CCR3: variants seen among roughly 807,000 people sequenced by gnomAD.
CCR3 encodes the protein C-C motif chemokine receptor 3, also known as C-C chemokine receptor type 3.
For missense variants in CCR3, 419 were observed against 437.5 expected, an observed-to-expected ratio of 0.96 and a Z score of 0.38; for synonymous variants, 203 against 179.2, an observed-to-expected ratio of 1.13 and a Z score of -1.06.
chr3:46,250,175 C>T (rs1484012118), intron 1 of CCR3, among the ~76,000 whole-genome samples: 1 of 152,070 alleles, frequency 6.6e-6, no homozygotes, highest in Non-Finnish European at 1.5e-5. Context: ...ATGCCTTTGG[C>T]TCCAGGCACC....
Position 46,242,481 on chromosome 3 carries a change from A to G in CCR3, c.-69A>G, listed in dbSNP as rs201277940. 6.6e-6 allele frequency: 1 copy of G among 152,182 alleles called. No individual in the cohort carries two copies. Among genetic ancestry groups the G allele is most frequent in the South Asian group, 2.1e-4 (1 of 4,830 alleles). The allele number at this position is 152,182 out of a possible 1,614,324, so 9.4% of individuals were successfully genotyped here. ...AGGTACCACTGGTCTTCTTGTGCTTATCCGGGCAAGAACTTATCGAAATAC... is the reference window on the plus strand; with the variant it reads ...AGGTACCACTGGTCTTCTTGTGCTTGTCCGGGCAAGAACTTATCGAAATAC... On this transcript the variant is annotated 5_prime_UTR_variant, in exon 1 of 2. Transcript: ENST00000395940.
upstream of CCR3, among the ~76,000 whole-genome samples, chr3:46,241,560 C>T (rs774415918): frequency 6.6e-6 from 1 of 152,186 alleles, no homozygotes; most frequent in Non-Finnish European, 1.5e-5. Flanking sequence ...TCTGCAGAGA[C>T]TTTTCACATA....
chr3:46,252,477 C>T (rs1700335215), intron 1 of CCR3, among the ~76,000 whole-genome samples: 1 of 152,098 alleles, frequency 6.6e-6, no homozygotes, highest in Non-Finnish European at 1.5e-5. Context: ...CAGCACCCAG[C>T]CAAGTGTCTC....
chr3:46,265,369 A>C lies in CCR3; in HGVS notation c.211A>C (p.Ile71Leu). 6.2e-7 allele frequency: 1 copy of C among 1,614,092 alleles called. No individual in the cohort carries two copies. The highest frequency in any genetic ancestry group is 8.5e-7 in the Non-Finnish European group (1 of 1,180,006). ...KYRRLRIMTN[I>L]YLLNLAISDL... is the part of the protein sequence containing the mutation. ...CAGGAGGCTCCGAATTATGACCAAC[A>C]TCTACCTGCTCAACCTGGCCATTTC... Residue 71 changes from isoleucine to leucine, a missense_variant, in exon 2 of 2, where the codon ATC becomes CTC. Transcript: ENST00000395940.
chr3:46,262,553 C>A (rs1280856990), intron 1 of CCR3, among the ~76,000 whole-genome samples: 2 of 152,180 alleles, frequency 1.3e-5, no homozygotes, highest in Non-Finnish European at 2.9e-5. Flanking sequence ...AAGCCTAATT[C>A]AAACCTCTTC....
chr3:46,212,581 C>A (rs1699728393), intron 2 of CCR3, among the ~76,000 whole-genome samples: 1 of 151,948 alleles, frequency 6.6e-6, no homozygotes, highest in Non-Finnish European at 1.5e-5. Flanking sequence ...GGTCATTTTT[C>A]CTCCTGCATC....
intron 1 of CCR3, among the ~76,000 whole-genome samples, chr3:46,250,456 C>T (rs1188478270): frequency 1.3e-5 from 2 of 152,098 alleles, no homozygotes; most frequent in Non-Finnish European, 2.9e-5. Context: ...GGACAAGTTG[C>T]ACTGGGCACA....
At chr3:46,214,173 C>A (rs950245669) in intron 2 of CCR3, among the ~76,000 whole-genome samples, 1 of 152,198 alleles carries the variant, frequency 6.6e-6, no homozygotes, top group African/African-American at 2.4e-5. Context: ...CCTCCAACAC[C>A]ACCTGTTATC....
chr3:46,241,249 C>T (rs1700080665), upstream of CCR3, among the ~76,000 whole-genome samples: 1 of 151,812 alleles, frequency 6.6e-6, no homozygotes, highest in Non-Finnish European at 1.5e-5. Context: ...ATGAAGCATA[C>T]AGCACAGTCC....
chr3:46,251,301 T>A (rs1311688864), intron 1 of CCR3, among the ~76,000 whole-genome samples: 1 of 151,746 alleles, frequency 6.6e-6, no homozygotes, highest in Non-Finnish European at 1.5e-5. Context: ...GAGTTTTGGG[T>A]CCATGGATAA....
At chr3:46,215,411 G>A (rs1011805656) in intron 2 of CCR3, among the ~76,000 whole-genome samples, 1 of 152,152 alleles carries the variant, frequency 6.6e-6, no homozygotes, top group Non-Finnish European at 1.5e-5. Flanking sequence ...CCAGGAATCT[G>A]TGTTTTAACA....
intron 1 of CCR3, among the ~76,000 whole-genome samples, chr3:46,250,017 C>T (rs1249344510): frequency 6.6e-6 from 1 of 151,890 alleles, no homozygotes; most frequent in Admixed American, 6.6e-5. Flanking sequence ...AATAAGATGG[C>T]CTTTTGACCT....
intron 1 of CCR3, among the ~76,000 whole-genome samples, chr3:46,248,928 T>C (rs1700252659): frequency 6.6e-6 from 1 of 152,212 alleles, no homozygotes; most frequent in Admixed American, 6.5e-5. Flanking sequence ...GTAAGGCTTG[T>C]CTGGTTTTAG....
chr3:46,218,598 A>G (rs925583123), intron 2 of CCR3, among the ~76,000 whole-genome samples: 6 of 152,220 alleles, frequency 3.9e-5, no homozygotes, highest in African/African-American at 1.2e-4. Flanking sequence ...TAGGTAACCG[A>G]ATTCAACAGG....
chr3:46,224,422 G>A (rs571016186), intron 2 of CCR3, among the ~76,000 whole-genome samples: 17 of 148,768 alleles, frequency 1.1e-4, no homozygotes, highest in Middle Eastern at 3.5e-3. Context: ...CACCAACATG[G>A]TGAAACCCCA....
At chr3:46,265,069 A>G (rs1203817602) in intron 1 of CCR3, 79 bp from the exon 2 acceptor site, 3 of 915,964 alleles carry the variant, frequency 3.3e-6, no homozygotes, top group East Asian at 2.5e-5. Context: ...TGTTGAGTAC[A>G]TGAATAAATC....
intron 1 of CCR3, chr3:46,264,374 A>AT: frequency 4.7e-6 from 7 of 1,488,012 alleles, no homozygotes; most frequent in East Asian, 2.5e-5. Context: ...CAAAATGTGT[A>AT]TTTTTTTCAC....
At chr3:46,254,359 C>G (rs1056928403) in intron 1 of CCR3, among the ~76,000 whole-genome samples, 1 of 152,076 alleles carries the variant, frequency 6.6e-6, no homozygotes, top group Non-Finnish European at 1.5e-5. Context: ...ATTGTGCACA[C>G]AAAAGAACAG....
intron 2 of CCR3, among the ~76,000 whole-genome samples, chr3:46,234,890 G>A (rs1700007767): frequency 2.0e-5 from 3 of 152,334 alleles, no homozygotes; most frequent in Middle Eastern, 6.8e-3. Context: ...ACAGTGAGTG[G>A]TGAGGATGGA....
Sources: gnomAD v4.1 joint callset for allele counts (sites outside exome capture counted in the v4.1 genomes callset) on GRCh38, gnomAD v4.1.1 for gene constraint, MANE v1.5 for transcripts, NCBI Gene and HGNC (gene_info 2026-07-23, HGNC 2026-07-21) for gene names.